The following DNER variants were observed in gnomAD, a reference collection of about 807,000 sequenced individuals.
DNER encodes the protein delta and Notch-like epidermal growth factor-related receptor.
A neutral mutation model predicts 78.2 loss-of-function variants in DNER; 33 were observed. The ratio of observed to expected loss-of-function variants is 0.42; its 90% CI spans 0.32 to 0.56. The LOEUF (loss-of-function observed/expected upper bound fraction) is 0.56. DNER is among the 20% of genes least tolerant of loss of function. The pLI is 0.11. For synonymous variants in DNER, 417 were observed against 384.8 expected, an observed-to-expected ratio of 1.08 and a Z score of -0.98; for missense variants, 918 against 975.3, an observed-to-expected ratio of 0.94 and a Z score of 0.78.
chr2:229,451,745 C>G (rs778669354), intron 7 of DNER, among the ~76,000 whole-genome samples: 1 of 152,082 alleles, frequency 6.6e-6, no homozygotes, highest in African/African-American at 2.4e-5. Flanking sequence ...AATGACCAAC[C>G]AATTAAGATG....
At chr2:229,557,804 T>C (rs987180885) in intron 4 of DNER, among the ~76,000 whole-genome samples, 4 of 152,000 alleles carry the variant, frequency 2.6e-5, no homozygotes, top group Non-Finnish European at 4.4e-5. Context: ...AAGGCTTATT[T>C]TGGAAGACAG....
chr2:229,644,628 A>C (rs1490945246), intron 1 of DNER, among the ~76,000 whole-genome samples: 1 of 151,748 alleles, frequency 6.6e-6, no homozygotes, highest in East Asian at 1.9e-4. Flanking sequence ...ATTTTTGAAG[A>C]GAGTTTATTT....
chr2:229,524,627 C>A (rs1696169843), intron 5 of DNER, among the ~76,000 whole-genome samples: 1 of 152,106 alleles, frequency 6.6e-6, no homozygotes, highest in South Asian at 2.1e-4. Flanking sequence ...GGGTAAGATC[C>A]CCAAACCCCA....
chr2:229,437,175 G>A (rs1694139261), intron 8 of DNER, among the ~76,000 whole-genome samples: 1 of 152,210 alleles, frequency 6.6e-6, no homozygotes, highest in Non-Finnish European at 1.5e-5. Context: ...GAGCATTGAG[G>A]CACTGCATAA....
At chr2:229,500,945 G>A (rs1050537638) in intron 6 of DNER, among the ~76,000 whole-genome samples, 7 of 151,916 alleles carry the variant, frequency 4.6e-5, no homozygotes, top group African/African-American at 9.7e-5. Flanking sequence ...GAGAACATAC[G>A]ATGTTTGGTT....
intron 1 of DNER, among the ~76,000 whole-genome samples, chr2:229,705,102 A>C (rs1202305576): frequency 6.6e-6 from 1 of 152,222 alleles, no homozygotes; most frequent in Non-Finnish European, 1.5e-5. Flanking sequence ...CTCAGCCCCC[A>C]TCAGCCCATT....
chr2:229,693,248 C>T (rs550159419), intron 1 of DNER, among the ~76,000 whole-genome samples: 3 of 151,714 alleles, frequency 2.0e-5, no homozygotes, highest in Admixed American at 1.3e-4. Flanking sequence ...TGAAGAAGGA[C>T]GCATTTGCTT....
At chr2:229,615,028 A>G (rs904306888) in intron 1 of DNER, among the ~76,000 whole-genome samples, 1 of 152,212 alleles carries the variant, frequency 6.6e-6, no homozygotes, top group African/African-American at 2.4e-5. Flanking sequence ...GGGAATTTAC[A>G]ATAACGACAT....
At chr2:229,582,158 G>A (rs1463450167) in intron 4 of DNER, among the ~76,000 whole-genome samples, 1 of 152,180 alleles carries the variant, frequency 6.6e-6, no homozygotes, top group Non-Finnish European at 1.5e-5. Flanking sequence ...GAGCTAAAAC[G>A]TATTTGTGTC....
intron 4 of DNER, among the ~76,000 whole-genome samples, chr2:229,573,809 C>T (rs4972903): frequency 0.85 from 129,043 of 152,130 alleles, 55,435 homozygotes; most frequent in Non-Finnish European, 0.92. Flanking sequence ...GCAGCAACCC[C>T]CTGTTTATTT....
chr2:229,545,328 A>G (rs1346648396), intron 5 of DNER, among the ~76,000 whole-genome samples: 3 of 152,108 alleles, frequency 2.0e-5, no homozygotes, highest in African/African-American at 7.2e-5. Context: ...TAATCCCAAC[A>G]CTTTGGGAGG....
At chr2:229,654,731 G>A (rs182382436) in intron 1 of DNER, among the ~76,000 whole-genome samples, 6 of 152,216 alleles carry the variant, frequency 3.9e-5, no homozygotes, top group African/African-American at 7.2e-5. Context: ...AGCTACAGAC[G>A]CTATAATCAG....
chr2:229,441,597 A>G (rs543978117), intron 8 of DNER, among the ~76,000 whole-genome samples: 55 of 152,340 alleles, frequency 3.6e-4, no homozygotes, highest in Non-Finnish European at 7.2e-4. Flanking sequence ...GAGCAAGACC[A>G]ATGCTGTATT....
chr2:229,671,984 A>G (rs1325195989), intron 1 of DNER, among the ~76,000 whole-genome samples: 1 of 152,206 alleles, frequency 6.6e-6, no homozygotes, highest in Non-Finnish European at 1.5e-5. Flanking sequence ...GCCAAAATGT[A>G]TCATTGAGAT....
intron 12 of DNER, among the ~76,000 whole-genome samples, chr2:229,360,494 G>A (rs1692187408): frequency 6.6e-6 from 1 of 152,098 alleles, no homozygotes; most frequent in Non-Finnish European, 1.5e-5. Context: ...CACGCGGCAA[G>A]CTCCACCTCC....
chr2:229,476,089 A>G (rs1695029491), intron 7 of DNER, among the ~76,000 whole-genome samples: 1 of 152,154 alleles, frequency 6.6e-6, no homozygotes, highest in Non-Finnish European at 1.5e-5. Flanking sequence ...TGCCAAACAC[A>G]TTTAACTCAT....
chr2:229,413,264 T>G (rs1693563007), intron 9 of DNER, among the ~76,000 whole-genome samples: 1 of 151,208 alleles, frequency 6.6e-6, no homozygotes, highest in African/African-American at 2.4e-5. Context: ...TTATAGTGGG[T>G]TTTTCAACAT....
intron 1 of DNER, among the ~76,000 whole-genome samples, chr2:229,704,357 T>C (rs539539104): frequency 3.3e-5 from 5 of 152,312 alleles, no homozygotes; most frequent in Admixed American, 6.5e-5. Context: ...ATCCTAGTTA[T>C]TTACTCAAGA....
chr2:229,459,562 A>C (rs1694647120), intron 7 of DNER, among the ~76,000 whole-genome samples: 1 of 152,080 alleles, frequency 6.6e-6, no homozygotes, highest in African/African-American at 2.4e-5. Flanking sequence ...TTACAGACGA[A>C]GGTTCAGAGA....
Sources: allele counts gnomAD v4.1 joint callset (sites outside exome capture counted in the v4.1 genomes callset), GRCh38; gene constraint gnomAD v4.1.1; transcripts MANE v1.5; gene names NCBI Gene and HGNC (gene_info 2026-07-23, HGNC 2026-07-21).